The following NUMA1 variants were observed in gnomAD, a reference collection of about 807,000 sequenced individuals.
NUMA1 encodes the protein nuclear mitotic apparatus protein 1.
NUMA1 carries 62 observed loss-of-function variants against 237.1 expected under a neutral mutation model. That is an observed-to-expected ratio of 0.26 (90% confidence interval 0.21 to 0.32). NUMA1 has a LOEUF of 0.32. Among genes scored for constraint, NUMA1 ranks in the 10% least tolerant of loss-of-function variants. NUMA1 has a pLI of 1.00. For synonymous variants in NUMA1, 1,028 were observed against 1,066.1 expected, an observed-to-expected ratio of 0.96 and a Z score of 0.70; for missense variants, 2,533 against 2,666.5, an observed-to-expected ratio of 0.95 and a Z score of 1.10.
At chr11:72,010,986 T>A in intron 16 of NUMA1, 132 bp from the exon 17 acceptor site, 1 of 797,122 alleles carries the variant, frequency 1.3e-6, no homozygotes, top group Non-Finnish European at 2.1e-6. Flanking sequence ...GCCCTTTCTC[T>A]GGCCTCCAAT....
At position 72,008,752 on chromosome 11, in the gene NUMA1, G is replaced by A; in HGVS notation, c.5152C>T (p.Leu1718=). 6.2e-7 allele frequency: 1 copy of A among 1,614,134 alleles called. No homozygotes were observed. The highest frequency in any genetic ancestry group is 1.7e-5 in the Admixed American group (1 of 60,020). Residue 1718 remains leucine, a synonymous_variant, in exon 20 of 27, where the codon CTG becomes TTG. Coordinates refer to ENST00000393695, the MANE Select transcript of NUMA1 (RefSeq NM_006185.4). ...KSREPQAKPQ[L]DLSIDSLDLS... ...TCCAGGCTGTCAATACTCAAGTCCAGCTGGGGCTTAGCCTGGGGCTCACGG... is the reference window on the plus strand; with the variant it reads ...TCCAGGCTGTCAATACTCAAGTCCAACTGGGGCTTAGCCTGGGGCTCACGG...
intron 4 of NUMA1, among the ~76,000 whole-genome samples, chr11:72,027,261 CAG>C (rs1055298428): frequency 7.2e-5 from 11 of 152,154 alleles, no homozygotes; most frequent in African/African-American, 1.2e-4. Flanking sequence ...TAAAATTAAA[CAG>C]AGAGTTAGGT....
chr11:72,021,360 C>A (rs1938794981), intron 7 of NUMA1, 69 bp from the exon 8 acceptor site: 1 of 1,386,908 alleles, frequency 7.2e-7, no homozygotes, highest in South Asian at 1.2e-5. Context: ...GCCAGGAGCT[C>A]CACCCTGGCA....
At chr11:72,007,576 C>A in intron 20 of NUMA1, 141 bp from the exon 21 acceptor site, 1 of 1,069,844 alleles carries the variant, frequency 9.3e-7, no homozygotes, top group South Asian at 1.4e-5. Context: ...TTCAGAGGTA[C>A]CAAGGAAAGC....
chr11:72,013,034 C>G lies in NUMA1; in HGVS notation c.4469G>C (p.Arg1490Pro), dbSNP rs772440370. 12 of 1,614,204 alleles carry G rather than the reference C, an allele frequency of 7.4e-6. No individual in the cohort carries two copies. Among genetic ancestry groups the G allele is most frequent in the Non-Finnish European group, 1.0e-5 (12 of 1,180,040 alleles). Reference sequence around the variant, plus strand: ...TGCTTCTCGCTGCACCTCAGCCAGACGGGTCTCAGCATCAGCACGTACGGC... The same window carrying G: ...TGCTTCTCGCTGCACCTCAGCCAGAGGGGTCTCAGCATCAGCACGTACGGC... The part of the protein sequence containing the change: ...LAAVRADAET[R>P]LAEVQREAQS... The change falls in exon 15 of 27, where the codon CGT becomes CCT. Residue 1490 changes from arginine (R) to proline (P), a missense_variant. By Grantham distance (103) the Arg-to-Pro change is moderately radical (BLOSUM62 -2). This residue lies in a region of NUMA1 where 324 missense variants were observed against 407.6 expected (regional missense o/e 0.79). Coordinates refer to ENST00000393695, the MANE Select transcript of NUMA1 (RefSeq NM_006185.4). This position sits in a 1 kb window ranked among gnomAD's most constrained non-coding sequence, Gnocchi z 6.8.
rs759887060 is a variant in NUMA1, at chr11:72,006,146, C to G, written c.5581G>C (p.Gly1861Arg). The change falls in exon 22 of 27, where the codon GGT becomes CGT. Residue 1861 changes from glycine to arginine, a missense_variant. Around this residue, in one of 3 missense-constraint regions of NUMA1, gnomAD observed 795 missense variants for 750.8 expected, o/e 1.06. Transcript: ENST00000393695. ...GCTGAGTTGCCATAATCGGGAGAAC[C>G]CAGGCGAGCTAGAGACTGAGTAGAG... ...TSSTQSLARL[G>R]SPDYGNSALL... 1.2e-6 allele frequency: 2 copies of G among 1,614,160 alleles called. No individual in the cohort carries two copies. The highest frequency in any genetic ancestry group is 4.5e-5 in the East Asian group (2 of 44,882).
chr11:72,078,631 G>A (rs1943829687), intron 1 of NUMA1, among the ~76,000 whole-genome samples: 1 of 152,238 alleles, frequency 6.6e-6, no homozygotes, highest in Non-Finnish European at 1.5e-5. Context: ...CTTTTGGAAT[G>A]TACCGCTTTT....
intron 16 of NUMA1, among the ~76,000 whole-genome samples, chr11:72,011,819 C>T (rs1261444542): frequency 2.6e-5 from 4 of 152,036 alleles, no homozygotes; most frequent in Admixed American, 2.6e-4. Context: ...CTGGTATAGA[C>T]CCCTCCTGCT....
intron 17 of NUMA1, 123 bp downstream of exon 17, chr11:72,010,663 A>G (rs1283356071): frequency 4.3e-6 from 4 of 927,438 alleles, no homozygotes; most frequent in Non-Finnish European, 6.6e-6. Flanking sequence ...CAGGCTTCCT[A>G]GGAGGGCTAC....
chr11:72,019,460 G>A lies in NUMA1; in HGVS notation c.584+34C>T, dbSNP rs367876186. 2.5e-6 allele frequency: 4 copies of A among 1,607,442 alleles called. No homozygotes were observed. The African/African-American group carries it at 5.4e-5, about 22-fold the overall frequency. ...AATGTGAGGAATGGATGGATGCTGA[G>A]GCCCTATCCCAGGAGGAGAGGCCCA... is the stretch of plus-strand genomic sequence containing the variant. On this transcript the variant is annotated intron_variant, in intron 9 of 26. Transcript: ENST00000393695.
At chr11:72,008,105 T>TG (rs1267063419) in intron 20 of NUMA1, 3 of 479,066 alleles carry the variant, frequency 6.3e-6, no homozygotes, top group African/African-American at 5.9e-5. Flanking sequence ...AGAGGGTTGT[T>TG]GGGGGACAAA....
intron 2 of NUMA1, among the ~76,000 whole-genome samples, chr11:72,043,773 G>A (rs1591027330): frequency 6.6e-6 from 1 of 152,042 alleles, no homozygotes; most frequent in Non-Finnish European, 1.5e-5. Context: ...AAGATAACCA[G>A]TAAAACTTCA....
chr11:72,014,654 T>A lies in NUMA1; in HGVS notation c.2849A>T (p.Glu950Val). The A allele has an allele frequency of 1.9e-6, 3 of 1,612,536 alleles. No individual in the cohort carries two copies. The highest frequency in any genetic ancestry group is 2.5e-6 in the Non-Finnish European group (3 of 1,180,014). The change falls in exon 15 of 27, where the codon GAG becomes GTG. Residue 950 changes from glutamate (E) to valine (V), a missense_variant. Glu to Val is a moderately radical substitution (Grantham distance 121, BLOSUM62 -2). Around this residue, in one of 3 missense-constraint regions of NUMA1, gnomAD observed 1,414 missense variants for 1,508.1 expected, o/e 0.94. Transcript: ENST00000393695. This position sits in a 1 kb window ranked among gnomAD's most constrained non-coding sequence, Gnocchi z 4.6. The part of the protein sequence containing the change: ...EPARAGDRQP[E>V]WLEEQQGRQF... ...GCGTCCCTGTTGCTCTTCCAGCCAC[T>A]CGGGCTGTCTGTCTCCTGCCCTCGC...
At chr11:72,057,545 A>T (rs897319810) in intron 2 of NUMA1, among the ~76,000 whole-genome samples, 4 of 151,986 alleles carry the variant, frequency 2.6e-5, no homozygotes, top group African/African-American at 9.7e-5. Context: ...GGAGTTCCAG[A>T]CCAGCCTGGC....
intron 2 of NUMA1, among the ~76,000 whole-genome samples, chr11:72,063,152 G>A: frequency 6.6e-6 from 1 of 152,194 alleles, no homozygotes; most frequent in Admixed American, 6.5e-5. Flanking sequence ...GGGAGGCTGA[G>A]GTGAAAGGAT....
At chr11:72,024,637 C>A in intron 4 of NUMA1, 2 of 440,110 alleles carry the variant, frequency 4.5e-6, no homozygotes, top group Non-Finnish European at 8.4e-6. Context: ...GGAAAGGGGC[C>A]GAGAGGAGAC....
intron 20 of NUMA1, chr11:72,007,936 C>A: frequency 2.7e-6 from 1 of 372,148 alleles, no homozygotes. Flanking sequence ...CTAGACTCAT[C>A]ATGGCACTGA....
At position 72,014,670 on chromosome 11, in the gene NUMA1, C is replaced by G. The variant is rs1379589503; in HGVS notation, c.2833G>C (p.Gly945Arg). The G allele has an allele frequency of 6.2e-7, 1 of 1,613,222 alleles. No individual in the cohort carries two copies. The highest frequency in any genetic ancestry group is 8.5e-7 in the Non-Finnish European group (1 of 1,180,028). ...RELVKEPARA[G>R]DRQPEWLEEQ... Reference sequence around the variant, plus strand: ...TCCAGCCACTCGGGCTGTCTGTCTCCTGCCCTCGCAGGCTCCTTGACTAAC... The same window carrying G: ...TCCAGCCACTCGGGCTGTCTGTCTCGTGCCCTCGCAGGCTCCTTGACTAAC... Residue 945 changes from glycine to arginine, a missense_variant, in exon 15 of 27, where the codon GGA (glycine) becomes CGA (arginine). Coordinates refer to ENST00000393695, the MANE Select transcript of NUMA1 (RefSeq NM_006185.4). This position sits in a 1 kb window ranked among gnomAD's most constrained non-coding sequence, Gnocchi z 4.6.
intron 2 of NUMA1, among the ~76,000 whole-genome samples, chr11:72,064,528 T>C (rs1455637430): frequency 1.3e-5 from 2 of 151,536 alleles, no homozygotes; most frequent in East Asian, 1.9e-4. Flanking sequence ...TCAAGAAATG[T>C]TGAATTTTAA....
Sources: gnomAD v4.1 joint callset for allele counts (sites outside exome capture counted in the v4.1 genomes callset) on GRCh38, gnomAD v4.1.1 for gene constraint, gnomAD v4.1.1 regional missense constraint, Gnocchi (gnomAD v3.1) non-coding constraint, MANE v1.5 for transcripts, NCBI Gene and HGNC (gene_info 2026-07-23, HGNC 2026-07-21) for gene names.